Variants in ZC2HC1B observed in about 807,000 individuals in gnomAD.
The protein encoded by ZC2HC1B is zinc finger C2HC domain-containing protein 1B.
In ZC2HC1B, 36 loss-of-function variants were observed where a neutral mutation model predicts 31.0. That is an observed-to-expected ratio of 1.16 (90% CI 0.89 to 1.54). The LOEUF (loss-of-function observed/expected upper bound fraction) is 1.54, where lower values mean the gene tolerates loss of function less well. ZC2HC1B is among the 40% of genes most tolerant of loss of function. The pLI, the probability that ZC2HC1B is intolerant of heterozygous loss-of-function variation, is 0.00. For missense variants in ZC2HC1B, 260 were observed against 268.6 expected (o/e 0.97, Z 0.22); for synonymous variants, 73 against 88.0 (o/e 0.83, Z 0.95).
chr6:143,894,787 A>G (rs563197058), intron 4 of ZC2HC1B, among the ~76,000 whole-genome samples: 1 of 152,308 alleles, frequency 6.6e-6, no homozygotes, highest in Admixed American at 6.5e-5. Flanking sequence ...GTTGATGGCT[A>G]CCTTATGGTT....
intron 6 of ZC2HC1B, among the ~76,000 whole-genome samples, chr6:143,931,489 G>A (rs1413766592): frequency 6.6e-6 from 1 of 152,148 alleles, no homozygotes; most frequent in African/African-American, 2.4e-5. Context: ...AAGGTTTAAA[G>A]CTCCTTTTAG....
Position 143,903,091 on chromosome 6 carries a change from T to A in ZC2HC1B, c.537T>A (p.Ala179=), listed in dbSNP as rs1173054134. ...GPKKEPTVTS[A]VGALLQNRVL... is the part of the protein sequence containing the mutation. The stretch of plus-strand genomic sequence containing the variant: ...AAAAAGAACCAACTGTTACCAGTGC[T>A]GTGGGAGCTTTGCTGCAGAACAGGG... The change falls in exon 6 of 8, where the codon GCT becomes GCA. Residue 179 remains alanine, a synonymous_variant. Transcript: ENST00000237275. This position sits in a 1 kb window ranked among gnomAD's most constrained non-coding sequence, Gnocchi z 4.3. 2 of 1,551,900 alleles carry A rather than the reference T, an allele frequency of 1.3e-6. No homozygotes were observed. The highest frequency in any genetic ancestry group is 8.7e-7 in the Non-Finnish European group (1 of 1,147,056).
chr6:143,909,391 C>A (rs1777833440), intron 6 of ZC2HC1B, among the ~76,000 whole-genome samples: 1 of 151,692 alleles, frequency 6.6e-6, no homozygotes, highest in Non-Finnish European at 1.5e-5. Context: ...AGCTAGACTC[C>A]ATCTCAAAAA....
chr6:143,891,777 G>C (rs780993839), intron 4 of ZC2HC1B, among the ~76,000 whole-genome samples: 8 of 152,048 alleles, frequency 5.3e-5, no homozygotes, highest in Admixed American at 1.3e-4. Context: ...AAAGGATCTG[G>C]AATAGGCAAT....
chr6:143,891,234 T>G (rs556445965), intron 4 of ZC2HC1B, among the ~76,000 whole-genome samples: 1 of 151,358 alleles, frequency 6.6e-6, no homozygotes, highest in Admixed American at 6.6e-5. Context: ...AAAATGAAAA[T>G]CTCATAGCAT....
rs1229592571 is a variant in ZC2HC1B at position 143,884,657 on chromosome 6, G to A, written c.90+292G>A. On this transcript the variant is annotated intron_variant, in intron 2 of 7. Transcript: ENST00000237275. The surrounding 1 kb of genome is among the most constrained non-coding windows in gnomAD (Gnocchi z 5.1). ...TTTGGCTCTTCCACCTTTTCTTTAA[G>A]CATCGAAAATTCAAATTTCAAGGCC... 2.0e-5 allele frequency among the ~76,000 whole-genome samples: 3 copies of A among 152,096 alleles called. No individual in the cohort carries two copies. The highest frequency in any genetic ancestry group is 7.2e-5 in the African/African-American group (3 of 41,392).
chr6:143,888,920 C>T (rs1055359081), intron 4 of ZC2HC1B, among the ~76,000 whole-genome samples: 12 of 151,908 alleles, frequency 7.9e-5, no homozygotes, highest in Admixed American at 4.6e-4. Context: ...TAGAACTTTT[C>T]GTACTATATC....
intron 1 of ZC2HC1B, among the ~76,000 whole-genome samples, chr6:143,866,360 A>G (rs938371700): frequency 2.6e-5 from 4 of 152,250 alleles, no homozygotes; most frequent in African/African-American, 4.8e-5. Context: ...CCATCTGGCA[A>G]TACAGCACGC....
chr6:143,894,426 T>C (rs1777639212), intron 4 of ZC2HC1B, among the ~76,000 whole-genome samples: 2 of 152,322 alleles, frequency 1.3e-5, no homozygotes, highest in African/African-American at 4.8e-5. Flanking sequence ...TCGTCAAAAC[T>C]CATTGAACTG....
At chr6:143,928,652 T>G (rs1010734270) in intron 6 of ZC2HC1B, among the ~76,000 whole-genome samples, 1 of 152,134 alleles carries the variant, frequency 6.6e-6, no homozygotes, top group African/African-American at 2.4e-5. Flanking sequence ...GGAATTCTGT[T>G]AAGTCTGTAG....
intron 1 of ZC2HC1B, among the ~76,000 whole-genome samples, chr6:143,866,473 A>C (rs1410833461): frequency 6.6e-6 from 1 of 152,230 alleles, no homozygotes; most frequent in Non-Finnish European, 1.5e-5. Context: ...TTTCTACTGA[A>C]TACATATGCT....
chr6:143,920,706 G>A lies in ZC2HC1B; in HGVS notation c.599-16943G>A, dbSNP rs1255155544. Among the ~76,000 whole-genome samples the A allele has an allele frequency of 3.3e-5, 5 of 151,932 alleles. No individual in the cohort carries two copies. In the East Asian group the frequency reaches 5.8e-4, roughly 18 times the overall value. The stretch of plus-strand genomic sequence containing the variant: ...CAGGCAGATCACAAGTCAGGAGATC[G>A]AGACCATCCTGGCCAACATGGTGAA... On this transcript the variant is annotated intron_variant, in intron 6 of 7. Coordinates refer to ENST00000237275, the MANE Select transcript of ZC2HC1B (RefSeq NM_001013623.3).
chr6:143,904,195 T>C lies in ZC2HC1B; in HGVS notation c.598+1043T>C, dbSNP rs564412557. Reference sequence around the variant, plus strand: ...CATTTTTGAATTGTTTTTGTTGTTTTGGTTTTTGCTAACTTAATCACCAGT... The same window carrying C: ...CATTTTTGAATTGTTTTTGTTGTTTCGGTTTTTGCTAACTTAATCACCAGT... On this transcript the variant is annotated intron_variant, in intron 6 of 7. Coordinates refer to ENST00000237275, the MANE Select transcript of ZC2HC1B (RefSeq NM_001013623.3). Among the ~76,000 whole-genome samples the C allele has an allele frequency of 2.6e-5, 4 of 152,400 alleles. No homozygotes were observed. In the South Asian group the frequency reaches 8.3e-4, roughly 32 times the overall value.
Position 143,934,867 on chromosome 6 carries a change from A to T in ZC2HC1B, c.599-2782A>T, listed in dbSNP as rs1778158349. On this transcript the variant is annotated intron_variant, in intron 6 of 7. Coordinates refer to ENST00000237275, the MANE Select transcript of ZC2HC1B (RefSeq NM_001013623.3). The surrounding 1 kb of genome is among the most constrained non-coding windows in gnomAD (Gnocchi z 4.6). ...TGAGCCTGCCTGTCCTTGGGACCCC[A>T]GGTAGCATACGTGGGCACTGGTGTT... 6.6e-6 allele frequency among the ~76,000 whole-genome samples: 1 copy of T among 152,196 alleles called. No homozygotes were observed. Among genetic ancestry groups the T allele is most frequent in the Non-Finnish European group, 1.5e-5 (1 of 68,028 alleles).
Position 143,933,910 on chromosome 6 carries a change from T to C in ZC2HC1B, c.599-3739T>C, listed in dbSNP as rs9918335. ...CAGTCAAAATTATTACAAAGTTCAG[T>C]TGGAAGCTTCTTTCACCCTGTGACC... On this transcript the variant is annotated intron_variant, in intron 6 of 7. Coordinates refer to ENST00000237275, the MANE Select transcript of ZC2HC1B (RefSeq NM_001013623.3). This position sits in a 1 kb window ranked among gnomAD's most constrained non-coding sequence, Gnocchi z 6.4. Among the ~76,000 whole-genome samples the C allele has an allele frequency of 2.0e-5, 3 of 152,122 alleles. No homozygotes were observed. Among genetic ancestry groups the C allele is most frequent in the African/African-American group, 7.2e-5 (3 of 41,494 alleles).
intron 4 of ZC2HC1B, among the ~76,000 whole-genome samples, chr6:143,890,975 A>G (rs1288652350): frequency 6.6e-6 from 1 of 151,782 alleles, no homozygotes; most frequent in Non-Finnish European, 1.5e-5. Flanking sequence ...TAAAAAAAAT[A>G]CAAAAATTAG....
In ZC2HC1B at chr6:143,868,466, AT is replaced by A. The variant is rs75389167; in HGVS notation, c.28+3909del. 8.8e-4 allele frequency among the ~76,000 whole-genome samples: 132 copies of A among 150,498 alleles called. No homozygotes were observed. Among genetic ancestry groups the A allele is most frequent in the African/African-American group, 3.1e-3 (126 of 41,070 alleles). ...GGCTAGGCCAGTCTAGTCTTTTCAC[AT>A]TTTTTTTTTCTGCCTGCTTTAGATT... On this transcript the variant is annotated intron_variant, in intron 1 of 7. Transcript: ENST00000237275. The surrounding 1 kb of genome is among the most constrained non-coding windows in gnomAD (Gnocchi z 4.2).
intron 6 of ZC2HC1B, among the ~76,000 whole-genome samples, chr6:143,930,621 C>T (rs1167567246): frequency 6.6e-6 from 1 of 152,082 alleles, no homozygotes; most frequent in African/African-American, 2.4e-5. Context: ...TTGTGATCTG[C>T]CTGCCTCGGC....
rs779282920 is a variant in ZC2HC1B at position 143,885,274 on chromosome 6, G to A, written c.91-758G>A. On this transcript the variant is annotated intron_variant, in intron 2 of 7. Transcript: ENST00000237275. This position sits in a 1 kb window ranked among gnomAD's most constrained non-coding sequence, Gnocchi z 4.2. ...CCTCCTGAAACTAGAGGGAGAGCTTGCGGGGCTGGTTGTGGCCCTGTAGTC... is the reference window on the plus strand; with the variant it reads ...CCTCCTGAAACTAGAGGGAGAGCTTACGGGGCTGGTTGTGGCCCTGTAGTC... Among the ~76,000 whole-genome samples, 14 of 152,208 alleles carry A rather than the reference G, an allele frequency of 9.2e-5. No homozygotes were observed. Among genetic ancestry groups the A allele is most frequent in the Non-Finnish European group, 1.8e-4 (12 of 68,042 alleles).
Sources: gnomAD v4.1 joint callset for allele counts (sites outside exome capture counted in the v4.1 genomes callset) on GRCh38, gnomAD v4.1.1 for gene constraint, Gnocchi (gnomAD v3.1) non-coding constraint, MANE v1.5 for transcripts, NCBI Gene and HGNC (gene_info 2026-07-23, HGNC 2026-07-21) for gene names.